The following RASSF3 variants were observed in gnomAD, a reference collection of about 807,000 sequenced individuals.
The protein encoded by RASSF3 is Ras association domain family member 3, also known as ras association domain-containing protein 3.
Under a neutral mutation model 19.9 loss-of-function variants are expected in RASSF3, and 19 were observed. That is an observed-to-expected ratio of 0.96 (90% CI 0.67 to 1.40). The LOEUF is 1.40. RASSF3 is among the 40% of genes most tolerant of loss of function. The probability of loss-of-function intolerance (pLI) is 0.00; values close to 1 mark genes in which losing one functional copy is unlikely to be tolerated. For missense variants in RASSF3, 306 were observed against 289.8 expected (o/e 1.06, Z -0.41); for synonymous variants, 110 against 104.2 (o/e 1.06, Z -0.34).
At chr12:64,524,166 C>T (rs1019166819) in intron 1 of RASSF3, among the ~76,000 whole-genome samples, 1 of 151,834 alleles carries the variant, frequency 6.6e-6, no homozygotes, top group African/African-American at 2.4e-5. Context: ...ATTCTTTTGC[C>T]TCAGCCTCCC....
chr12:64,643,075 G>A (rs1871602025), intron 1 of RASSF3, among the ~76,000 whole-genome samples: 1 of 151,928 alleles, frequency 6.6e-6, no homozygotes, highest in Non-Finnish European at 1.5e-5. Context: ...GGGTGGTCTT[G>A]AACTCCTGAG....
chr12:64,645,476 C>T (rs555199123), intron 1 of RASSF3, among the ~76,000 whole-genome samples: 2 of 151,974 alleles, frequency 1.3e-5, no homozygotes, highest in African/African-American at 2.4e-5. Context: ...AGTTTGAGAC[C>T]AGCCTGGGCA....
intron 1 of RASSF3, among the ~76,000 whole-genome samples, chr12:64,536,128 A>G (rs1192084841): frequency 6.6e-6 from 1 of 150,990 alleles, no homozygotes; most frequent in Non-Finnish European, 1.5e-5. Context: ...CTACCCGAGT[A>G]GCTGGGACTA....
intron 1 of RASSF3, among the ~76,000 whole-genome samples, chr12:64,667,147 T>C (rs560290607): frequency 2.0e-5 from 3 of 152,168 alleles, no homozygotes; most frequent in African/African-American, 4.8e-5. Flanking sequence ...TTCCTCTGCA[T>C]TGGGAATTTC....
rs571028053 is a variant in RASSF3 at position 64,584,298 on chromosome 12, C to T, written c.294+42593C>T. ...CACCTAACATCTAACAAACCTTGAA[C>T]ATTTAATTATGCTGATTCTTTCTTT... On this transcript the variant is annotated intron_variant, in intron 2 of 5. Coordinates refer to the RASSF3 transcript ENST00000637125. 2.0e-5 allele frequency among the ~76,000 whole-genome samples: 3 copies of T among 152,266 alleles called. No homozygotes were observed. The East Asian group carries it at 5.8e-4, about 29-fold the overall frequency.
At chr12:64,551,499 C>T (rs1869163420) in intron 2 of RASSF3, among the ~76,000 whole-genome samples, 1 of 152,048 alleles carries the variant, frequency 6.6e-6, no homozygotes, top group African/African-American at 2.4e-5. Flanking sequence ...TCACTTGAAC[C>T]TGGGAGGTTG....
At chr12:64,531,216 T>G (rs1199671671), upstream of RASSF3, among the ~76,000 whole-genome samples, 1 of 152,218 alleles carries the variant, frequency 6.6e-6, no homozygotes, top group Non-Finnish European at 1.5e-5. Context: ...GAATTAATTC[T>G]TATGTATGGT....
chr12:64,689,482 G>T (rs1056877435), intron 3 of RASSF3, among the ~76,000 whole-genome samples: 38 of 152,148 alleles, frequency 2.5e-4, no homozygotes, highest in African/African-American at 8.7e-4. Context: ...GCTTAGTATT[G>T]TGGGGGCTTA....
upstream of RASSF3, among the ~76,000 whole-genome samples, chr12:64,607,015 ACAC>A (rs1870205080): frequency 1.3e-5 from 2 of 152,116 alleles, no homozygotes; most frequent in Admixed American, 6.5e-5. Context: ...ATGGTGGCTC[ACAC>A]CTGTAATCCC....
intron 1 of RASSF3, among the ~76,000 whole-genome samples, chr12:64,664,819 A>C (rs1872493687): frequency 6.6e-6 from 1 of 152,238 alleles, no homozygotes; most frequent in African/African-American, 2.4e-5. Flanking sequence ...TGGTTGCCTC[A>C]GTACAAGCAT....
At chr12:64,641,419 C>CACACAAACACACACACAT (rs769330728) in intron 1 of RASSF3, among the ~76,000 whole-genome samples, 1 of 150,664 alleles carries the variant, frequency 6.6e-6, no homozygotes, top group Non-Finnish European at 1.5e-5. Context: ...CACACACGCG[C>CACACAAACACACACACAT]GCGCGCGCGT....
intron 2 of RASSF3, among the ~76,000 whole-genome samples, chr12:64,573,137 G>C (rs1173100828): frequency 6.6e-6 from 1 of 152,162 alleles, no homozygotes; most frequent in Non-Finnish European, 1.5e-5. Flanking sequence ...AGGATCACTT[G>C]AGACCAGTTT....
chr12:64,580,268 A>G (rs1869669868), intron 2 of RASSF3, among the ~76,000 whole-genome samples: 1 of 152,164 alleles, frequency 6.6e-6, no homozygotes, highest in African/African-American at 2.4e-5. Flanking sequence ...CAGTGAACTG[A>G]GTTATAAGAA....
intron 1 of RASSF3, among the ~76,000 whole-genome samples, chr12:64,637,166 T>C (rs1169188281): frequency 1.3e-5 from 2 of 152,210 alleles, no homozygotes; most frequent in African/African-American, 4.8e-5. Flanking sequence ...ATTTATTCTT[T>C]TGTGCAACTG....
chr12:64,641,402 G>GCACACACACACACACACACACA (rs1555213814), intron 1 of RASSF3, among the ~76,000 whole-genome samples: 1 of 102,678 alleles, frequency 9.7e-6, no homozygotes, highest in South Asian at 3.4e-4. Context: ...TCTCACAGGC[G>GCACACACACACACACACACACA]CACACACACA....
intron 1 of RASSF3, among the ~76,000 whole-genome samples, chr12:64,535,374 TC>T (rs1868802351): frequency 6.6e-6 from 1 of 152,150 alleles, no homozygotes; most frequent in South Asian, 2.1e-4. Flanking sequence ...TCCCCTTTTT[TC>T]TTTTTTGGAG....
intron 1 of RASSF3, chr12:64,622,494 T>C (rs188195325): frequency 3.8e-6 from 2 of 531,268 alleles, no homozygotes; most frequent in East Asian, 5.6e-5. Flanking sequence ...AAAATTGCGA[T>C]GAGAAAGGAA....
chr12:64,514,807 T>C (rs1377933281), intron 1 of RASSF3, among the ~76,000 whole-genome samples: 3 of 152,166 alleles, frequency 2.0e-5, no homozygotes, highest in East Asian at 3.9e-4. Context: ...ATAGCTGCCC[T>C]GTGTCCCTGA....
At chr12:64,532,526 T>C (rs1416084697), upstream of RASSF3, among the ~76,000 whole-genome samples, 1 of 152,080 alleles carries the variant, frequency 6.6e-6, no homozygotes, top group Non-Finnish European at 1.5e-5. Flanking sequence ...TTCATACTTA[T>C]CGCAACTCAG....
Sources: gnomAD v4.1 joint callset for allele counts (sites outside exome capture counted in the v4.1 genomes callset) on GRCh38, gnomAD v4.1.1 for gene constraint, MANE v1.5 for transcripts, NCBI Gene and HGNC (gene_info 2026-07-23, HGNC 2026-07-21) for gene names.